The following STK39 variants were observed in gnomAD, a reference collection of about 807,000 sequenced individuals.
STK39 encodes serine/threonine kinase 39, also known as STE20/SPS1-related proline-alanine-rich protein kinase.
A neutral mutation model predicts 77.8 loss-of-function variants in STK39; 20 were observed. The observed-to-expected ratio is 0.26, with a 90% confidence interval of 0.18 to 0.37. STK39 has a LOEUF of 0.37. Ranked by LOEUF, STK39 falls within the 10% of genes least tolerant of loss-of-function variation. The pLI is 1.00. For missense variants in STK39, 479 were observed against 656.5 expected (o/e 0.73, Z 2.95); for synonymous variants, 246 against 234.1 (o/e 1.05, Z -0.47).
intron 17 of STK39, among the ~76,000 whole-genome samples, chr2:167,959,741 C>T (rs989947451): frequency 6.6e-6 from 1 of 152,146 alleles, no homozygotes; most frequent in Admixed American, 6.5e-5. Flanking sequence ...TAGGAAAATT[C>T]TCAAGTGAAA....
intron 17 of STK39, among the ~76,000 whole-genome samples, chr2:167,960,806 G>A (rs1399594365): frequency 2.0e-5 from 3 of 152,176 alleles, no homozygotes; most frequent in Middle Eastern, 3.4e-3. Flanking sequence ...AGAACCACTC[G>A]TCTATCCCAG....
intron 10 of STK39, among the ~76,000 whole-genome samples, chr2:168,102,569 G>A (rs1686858693): frequency 6.6e-6 from 1 of 152,200 alleles, no homozygotes; most frequent in Non-Finnish European, 1.5e-5. Context: ...TGAGAAGGCT[G>A]TACAAGCCAG....
intron 17 of STK39, 22 bp downstream of exon 17, chr2:167,964,640 C>G: frequency 1.3e-6 from 2 of 1,596,572 alleles, no homozygotes; most frequent in Non-Finnish European, 1.7e-6. Flanking sequence ...TTACCTCCTT[C>G]TTTCCATAAC....
intron 5 of STK39, among the ~76,000 whole-genome samples, chr2:168,161,445 A>C (rs1386662458): frequency 6.6e-6 from 1 of 152,216 alleles, no homozygotes; most frequent in African/African-American, 2.4e-5. Context: ...TGATGTTTTA[A>C]ATTTTCAAAC....
At chr2:168,071,346 C>T (rs1214254697) in intron 12 of STK39, among the ~76,000 whole-genome samples, 2 of 151,978 alleles carry the variant, frequency 1.3e-5, no homozygotes, top group African/African-American at 4.8e-5. Flanking sequence ...CACAAACTTC[C>T]ATGTTTTTCA....
chr2:168,242,838 A>AG (rs768296017), intron 1 of STK39, among the ~76,000 whole-genome samples: 48 of 150,862 alleles, frequency 3.2e-4, no homozygotes, highest in Non-Finnish European at 4.1e-4. Flanking sequence ...GGCTGCAGTG[A>AG]GGTATGATTG....
intron 14 of STK39, among the ~76,000 whole-genome samples, chr2:168,041,093 G>A (rs1685092726): frequency 6.6e-6 from 1 of 152,146 alleles, no homozygotes; most frequent in South Asian, 2.1e-4. Flanking sequence ...CTAGGGAGAA[G>A]ATCATGGGAT....
intron 1 of STK39, among the ~76,000 whole-genome samples, chr2:168,204,595 C>A (rs1689694847): frequency 6.6e-6 from 1 of 152,166 alleles, no homozygotes; most frequent in South Asian, 2.1e-4. Context: ...ACAAGTCAAT[C>A]CATGTTCACA....
At chr2:168,173,681 CT>C (rs1161978417) in intron 2 of STK39, among the ~76,000 whole-genome samples, 3 of 152,236 alleles carry the variant, frequency 2.0e-5, no homozygotes, top group African/African-American at 4.8e-5. Context: ...CCTCAGCCTC[CT>C]GAGTAGCTGG....
chr2:168,060,049 A>C (rs752631301), intron 14 of STK39, among the ~76,000 whole-genome samples: 20 of 152,328 alleles, frequency 1.3e-4, no homozygotes, highest in Non-Finnish European at 2.5e-4. Context: ...ACTTTAGAAC[A>C]CGGTGATCAC....
At chr2:167,976,577 T>C (rs112969332) in intron 16 of STK39, among the ~76,000 whole-genome samples, 1 of 152,158 alleles carries the variant, frequency 6.6e-6, no homozygotes, top group African/African-American at 2.4e-5. Context: ...TACTGTAGGT[T>C]GGCCTTTTGA....
chr2:168,027,690 A>G (rs960823981), intron 14 of STK39, among the ~76,000 whole-genome samples: 1 of 152,226 alleles, frequency 6.6e-6, no homozygotes, highest in African/African-American at 2.4e-5. Context: ...AACATATTTT[A>G]AAGAATTTGG....
At chr2:168,140,217 TGAA>T in intron 7 of STK39, 69 bp downstream of exon 7, 1 of 1,265,260 alleles carries the variant, frequency 7.9e-7, no homozygotes, top group Admixed American at 1.7e-5. Flanking sequence ...ATGAAGATGT[TGAA>T]GAGAATTAGA....
At chr2:168,152,836 T>C (rs1324973608) in intron 5 of STK39, among the ~76,000 whole-genome samples, 2 of 152,206 alleles carry the variant, frequency 1.3e-5, no homozygotes, top group Non-Finnish European at 2.9e-5. Context: ...TTAGATCAAA[T>C]ATTAATAAGT....
At chr2:168,236,461 T>A (rs1690612274) in intron 1 of STK39, among the ~76,000 whole-genome samples, 2 of 152,260 alleles carry the variant, frequency 1.3e-5, no homozygotes, top group African/African-American at 4.8e-5. Flanking sequence ...TTTAATTACA[T>A]CCCATTTGTC....
chr2:168,157,240 C>T, intron 5 of STK39, among the ~76,000 whole-genome samples: 1 of 152,214 alleles, frequency 6.6e-6, no homozygotes, highest in Non-Finnish European at 1.5e-5. Flanking sequence ...ACCCAAAGTT[C>T]TACCAATGTA....
chr2:168,058,144 T>C (rs1334221094), intron 14 of STK39, among the ~76,000 whole-genome samples: 1 of 152,222 alleles, frequency 6.6e-6, no homozygotes, highest in Admixed American at 6.5e-5. Context: ...TATCCCCTGT[T>C]CTCTCTTGCC....
intron 14 of STK39, among the ~76,000 whole-genome samples, chr2:168,039,202 G>A (rs1685038267): frequency 6.6e-6 from 1 of 152,080 alleles, no homozygotes; most frequent in Non-Finnish European, 1.5e-5. Context: ...CAAAGGGAAT[G>A]CAACAAAATA....
At chr2:168,054,765 T>C (rs755757793) in intron 14 of STK39, among the ~76,000 whole-genome samples, 7 of 87,274 alleles carry the variant, frequency 8.0e-5, no homozygotes, top group Non-Finnish European at 1.5e-4. Context: ...AAAATTTGGT[T>C]GTTGAAAAAA....
Sources: gnomAD v4.1 joint callset for allele counts (sites outside exome capture counted in the v4.1 genomes callset) on GRCh38, gnomAD v4.1.1 for gene constraint, MANE v1.5 for transcripts, NCBI Gene and HGNC (gene_info 2026-07-23, HGNC 2026-07-21) for gene names.